Variants in IDO2 observed in about 807,000 individuals in gnomAD.
The protein encoded by IDO2 is indoleamine 2,3-dioxygenase 2.
Under a neutral mutation model 45.1 loss-of-function variants are expected in IDO2, and 46 were observed. The observed-to-expected ratio is 1.02, with a 90% CI of 0.80 to 1.30. The LOEUF is 1.30. Among genes scored for constraint, IDO2 ranks in the 50% most tolerant of loss-of-function variants. The pLI, the probability that IDO2 is intolerant of heterozygous loss-of-function variation, is 0.00. For missense variants in IDO2, 544 were observed against 491.8 expected (o/e 1.11, Z -1.00); for synonymous variants, 218 against 184.9 (o/e 1.18, Z -1.45).
At chr8:39,996,326 T>G (rs1802046884) in intron 8 of IDO2, among the ~76,000 whole-genome samples, 1 of 152,222 alleles carries the variant, frequency 6.6e-6, no homozygotes, top group Non-Finnish European at 1.5e-5. Flanking sequence ...TTAGTGAAAG[T>G]ACTAAAAGTC....
At chr8:39,941,294 T>G (rs1563422648) in intron 1 of IDO2, among the ~76,000 whole-genome samples, 1 of 151,502 alleles carries the variant, frequency 6.6e-6, no homozygotes, top group Non-Finnish European at 1.5e-5. Context: ...GCTCTCTTTT[T>G]AAAAATGAGA....
intron 1 of IDO2, among the ~76,000 whole-genome samples, chr8:39,941,739 T>C (rs1279466279): frequency 1.3e-5 from 2 of 151,766 alleles, no homozygotes; most frequent in Admixed American, 6.6e-5. Context: ...GAAAAAGAAG[T>C]CAGAAAAATA....
chr8:39,939,123 G>A (rs1585391929), intron 1 of IDO2, among the ~76,000 whole-genome samples: 1 of 152,024 alleles, frequency 6.6e-6, no homozygotes, highest in Admixed American at 6.6e-5. Context: ...GTGGTGGCGG[G>A]CGCCTGCTAC....
chr8:39,965,502 A>G (rs1460236819), intron 3 of IDO2, among the ~76,000 whole-genome samples: 1 of 146,234 alleles, frequency 6.8e-6, no homozygotes, highest in Non-Finnish European at 1.5e-5. Context: ...ACAAAACAAA[A>G]CAAACAAACA....
intron 2 of IDO2, among the ~76,000 whole-genome samples, chr8:39,951,716 A>T (rs1807817303): frequency 6.6e-6 from 1 of 152,168 alleles, no homozygotes; most frequent in Admixed American, 6.5e-5. Context: ...CATCTAACCC[A>T]ATTCAGGAAT....
At chr8:39,957,961 A>G (rs369894952) in intron 2 of IDO2, among the ~76,000 whole-genome samples, 27 of 152,204 alleles carry the variant, frequency 1.8e-4, no homozygotes, top group African/African-American at 6.5e-4. Flanking sequence ...GCTGGAGTGC[A>G]GTGGTGCGAT....
chr8:40,011,193 G>A (rs928289394), intron 9 of IDO2, among the ~76,000 whole-genome samples: 2 of 152,198 alleles, frequency 1.3e-5, no homozygotes, highest in African/African-American at 4.8e-5. Context: ...TTACAGGCAT[G>A]AGCCACCCCA....
At chr8:39,987,930 T>C in exon 7 of IDO2, 1 of 1,611,660 alleles carries the variant, frequency 6.2e-7, no homozygotes, top group Non-Finnish European at 8.5e-7. Flanking sequence ...TTTATACTGG[T>C]GACTGCTTTG....
Position 39,935,112 on chromosome 8 carries a change from A to C in IDO2, c.-124A>C, listed in dbSNP as rs1807525739. ...TGACATTAGAAATGTACCATAATACAGAAGGCAATGGACACCTAAAGAACA... is the reference window on the plus strand; with the variant it reads ...TGACATTAGAAATGTACCATAATACCGAAGGCAATGGACACCTAAAGAACA... On this transcript the variant is annotated 5_prime_UTR_variant, in exon 1 of 11. Coordinates refer to ENST00000502986, the Ensembl canonical transcript of IDO2. 4.6e-5 allele frequency: 51 copies of C among 1,114,952 alleles called. No individual in the cohort carries two copies. The South Asian group carries it at 6.3e-4, about 14-fold the overall frequency. The allele number at this position is 1,114,952 out of a possible 1,614,324, so 69.1% of individuals were successfully genotyped here.
At chr8:39,962,800 C>A (rs1808020107) in intron 2 of IDO2, among the ~76,000 whole-genome samples, 1 of 152,134 alleles carries the variant, frequency 6.6e-6, no homozygotes, top group Non-Finnish European at 1.5e-5. Context: ...TGTGCCCAAG[C>A]AAACCATAGG....
chr8:40,005,958 C>T (rs986488464), intron 9 of IDO2, among the ~76,000 whole-genome samples: 2 of 152,134 alleles, frequency 1.3e-5, no homozygotes, highest in African/African-American at 4.8e-5. Context: ...GGAGGGAGTT[C>T]ACTTGGCCCT....
intron 10 of IDO2, 143 bp downstream of exon 10, chr8:40,013,856 C>G: frequency 1.6e-6 from 1 of 614,212 alleles, no homozygotes; most frequent in South Asian, 3.0e-5. Flanking sequence ...AACTGCATGA[C>G]TGCCAATGTT....
intron 1 of IDO2, among the ~76,000 whole-genome samples, chr8:39,945,894 G>C (rs942231703): frequency 6.6e-6 from 1 of 152,092 alleles, no homozygotes; most frequent in Non-Finnish European, 1.5e-5. Flanking sequence ...ATTCATTCCC[G>C]GGCATAGGCT....
chr8:40,013,513 T>C, intron 9 of IDO2, 52 bp from the exon 10 acceptor site: 1 of 1,525,332 alleles, frequency 6.6e-7, no homozygotes, highest in South Asian at 1.2e-5. Context: ...TCAGAAAATA[T>C]ACCATTACCT....
chr8:39,994,446 G>A (rs749153922), intron 8 of IDO2, among the ~76,000 whole-genome samples: 2 of 151,928 alleles, frequency 1.3e-5, no homozygotes, highest in Non-Finnish European at 2.9e-5. Context: ...TAGTAGAGAC[G>A]GGCTTTCTCC....
chr8:39,949,958 A>G (rs921774182), intron 2 of IDO2, among the ~76,000 whole-genome samples: 7 of 152,182 alleles, frequency 4.6e-5, no homozygotes, highest in African/African-American at 1.7e-4. Context: ...TGTAATGCAA[A>G]TCTTTTTCAT....
At chr8:39,975,696 A>T (rs2543064) in intron 3 of IDO2, among the ~76,000 whole-genome samples, 22,063 of 152,068 alleles carry the variant, frequency 0.15, 1,859 homozygotes, top group East Asian at 0.34. Context: ...TCTCTCAAAA[A>T]CTGCTTGTCA....
intron 3 of IDO2, among the ~76,000 whole-genome samples, chr8:39,973,745 CT>C (rs11440885): frequency 1.4e-5 from 2 of 146,044 alleles, no homozygotes. Context: ...TCGTTTTCTT[CT>C]TTTTTTTTTT....
At chr8:39,990,508 T>C (rs975614586) in intron 8 of IDO2, among the ~76,000 whole-genome samples, 1 of 152,192 alleles carries the variant, frequency 6.6e-6, no homozygotes, top group Non-Finnish European at 1.5e-5. Context: ...ACAAAGGCCA[T>C]CACAACCTTA....
Sources: allele counts gnomAD v4.1 joint callset (sites outside exome capture counted in the v4.1 genomes callset), GRCh38; gene constraint gnomAD v4.1.1; transcripts MANE v1.5; gene names NCBI Gene and HGNC (gene_info 2026-07-23, HGNC 2026-07-21).